The following ADGRG3 variants were observed in gnomAD, a reference collection of about 807,000 sequenced individuals.
ADGRG3 encodes the protein G protein-coupled receptor 97.
Under a neutral mutation model 54.3 loss-of-function variants are expected in ADGRG3, and 39 were observed. That is an observed-to-expected ratio of 0.72 (90% confidence interval 0.56 to 0.94). The LOEUF (loss-of-function observed/expected upper bound fraction) is 0.94. Ranked by LOEUF, ADGRG3 falls within the 40% of genes least tolerant of loss-of-function variation. The probability of loss-of-function intolerance (pLI) is 0.00; values close to 1 mark genes in which losing one functional copy is unlikely to be tolerated. For missense variants in ADGRG3, 654 were observed against 694.6 expected (o/e 0.94, Z 0.66); for synonymous variants, 312 against 290.0 (o/e 1.08, Z -0.77).
At chr16:57,686,481 G>A (rs2048476142) in intron 11 of ADGRG3, among the ~76,000 whole-genome samples, 1 of 152,186 alleles carries the variant, frequency 6.6e-6, no homozygotes, top group South Asian at 2.1e-4. Context: ...ATTTGGACAT[G>A]AGATTTGGAA....
chr16:57,668,535 T>G (rs2148689649), intron 1 of ADGRG3, 130 bp downstream of exon 1: 2 of 843,252 alleles, frequency 2.4e-6, no homozygotes, highest in Non-Finnish European at 3.8e-6. Flanking sequence ...TGTCCTCCGA[T>G]ACCCCCCGTG....
intron 3 of ADGRG3, among the ~76,000 whole-genome samples, chr16:57,676,932 G>GC (rs1218011861): frequency 6.6e-6 from 1 of 152,238 alleles, no homozygotes; most frequent in African/African-American, 2.4e-5. Context: ...GGCTTAGAAA[G>GC]CCTCCTGCCT....
In ADGRG3 at chr16:57,668,406, G is replaced by A; in HGVS notation, c.58+1G>A. The A allele has an allele frequency of 6.4e-6, 10 of 1,568,882 alleles. No homozygotes were observed. The highest frequency in any genetic ancestry group is 8.6e-6 in the Non-Finnish European group (10 of 1,165,284). On this transcript the variant is annotated splice_donor_variant, in intron 1 of 11. Transcript: ENST00000333493. LOFTEE classifies it high-confidence loss of function. ...CTGCTCCTCCTGCTCCCGACCTCAGGTGAGTGGCTGGCACCTCATCCCCTC... is the reference window on the plus strand; with the variant it reads ...CTGCTCCTCCTGCTCCCGACCTCAGATGAGTGGCTGGCACCTCATCCCCTC...
chr16:57,683,132 G>A (rs938396487), intron 8 of ADGRG3, among the ~76,000 whole-genome samples: 4 of 152,230 alleles, frequency 2.6e-5, no homozygotes, highest in South Asian at 2.1e-4. Context: ...AGCAGGGAAA[G>A]GCATTGAGAA....
chr16:57,684,541 G>T, intron 10 of ADGRG3, 58 bp downstream of exon 10: 1 of 1,289,762 alleles, frequency 7.8e-7, no homozygotes, highest in Non-Finnish European at 1.1e-6. Context: ...ACATATTGGG[G>T]CTGGAGAGAG....
At chr16:57,683,818 A>G in intron 8 of ADGRG3, 114 bp from the exon 9 acceptor site, 1 of 735,896 alleles carries the variant, frequency 1.4e-6, no homozygotes, top group Non-Finnish European at 2.1e-6. Flanking sequence ...AGCAGGCAGG[A>G]GCTGGCAGTG....
intron 10 of ADGRG3, 127 bp from the exon 11 acceptor site, chr16:57,685,516 G>A (rs780578111): frequency 2.2e-6 from 2 of 889,724 alleles, no homozygotes; most frequent in Non-Finnish European, 1.8e-6. Context: ...CAGCGGGAGA[G>A]CCAGGGATTG....
chr16:57,670,086 G>A (rs140117053), intron 1 of ADGRG3, among the ~76,000 whole-genome samples: 79 of 152,302 alleles, frequency 5.2e-4, no homozygotes, highest in Middle Eastern at 6.8e-3. Flanking sequence ...GGCTGAAGGA[G>A]CCATGCGGGG....
At chr16:57,669,656 T>G (rs1455534255) in intron 1 of ADGRG3, among the ~76,000 whole-genome samples, 1 of 152,176 alleles carries the variant, frequency 6.6e-6, no homozygotes, top group African/African-American at 2.4e-5. Flanking sequence ...ACACTTCCTG[T>G]GTGGACAGTG....
upstream of ADGRG3, among the ~76,000 whole-genome samples, chr16:57,667,229 C>T (rs748588503): frequency 2.6e-5 from 4 of 152,326 alleles, no homozygotes; most frequent in South Asian, 2.1e-4. Flanking sequence ...AGGGGCTGAG[C>T]GGCTCCCCAG....
In ADGRG3 at chr16:57,668,667, G is replaced by T. The variant is rs1459160878; in HGVS notation, c.58+262G>T. 2.0e-5 allele frequency among the ~76,000 whole-genome samples: 3 copies of T among 152,090 alleles called. No individual in the cohort carries two copies. In the South Asian group the frequency reaches 6.2e-4, roughly 31 times the overall value. On this transcript the variant is annotated intron_variant, in intron 1 of 11. Transcript: ENST00000333493. Reference sequence around the variant, plus strand: ...CCACAGTGCCCTGGAGATAGGGGAGGTCGGAGGGTGCTCCCTGACTCCCCA... The same window carrying T: ...CCACAGTGCCCTGGAGATAGGGGAGTTCGGAGGGTGCTCCCTGACTCCCCA...
At position 57,685,667 on chromosome 16, in the gene ADGRG3, C is replaced by A; in HGVS notation, c.1281C>A (p.Thr427=). The change falls in exon 11 of 12, where the codon ACC becomes ACA. Residue 427 remains threonine (T), a synonymous_variant. Transcript: ENST00000333493. ...LELCWFREGT[T]MYALYITVHG... Reference sequence around the variant, plus strand: ...GATGCTGGTTCCGTGAAGGGACAACCATGTACGCCCTCTATATCACCGTCC... The same window carrying A: ...GATGCTGGTTCCGTGAAGGGACAACAATGTACGCCCTCTATATCACCGTCC... 1.2e-6 allele frequency: 2 copies of A among 1,614,196 alleles called. No homozygotes were observed. The highest frequency in any genetic ancestry group is 1.7e-6 in the Non-Finnish European group (2 of 1,180,012).
At chr16:57,670,068 C>T (rs1327409033) in intron 1 of ADGRG3, among the ~76,000 whole-genome samples, 1 of 152,152 alleles carries the variant, frequency 6.6e-6, no homozygotes, top group South Asian at 2.1e-4. Context: ...TCACGGTGAG[C>T]CAGCAGGGGC....
intron 4 of ADGRG3, chr16:57,678,573 T>C (rs1187903322): frequency 9.2e-6 from 5 of 543,362 alleles, no homozygotes; most frequent in Non-Finnish European, 1.7e-5. Flanking sequence ...CTATGTGTCC[T>C]GTGGGTGCTC....
intron 10 of ADGRG3, among the ~76,000 whole-genome samples, chr16:57,685,195 G>T (rs1269858767): frequency 6.6e-6 from 1 of 152,204 alleles, no homozygotes; most frequent in South Asian, 2.1e-4. Context: ...AAAAGCAGGG[G>T]CCCCAGGAGC....
At chr16:57,667,251 G>C (rs1163393435), upstream of ADGRG3, among the ~76,000 whole-genome samples, 3 of 152,256 alleles carry the variant, frequency 2.0e-5, no homozygotes, top group African/African-American at 7.2e-5. Flanking sequence ...TCAATCCCAA[G>C]GCTGAGTAGG....
chr16:57,670,912 T>TA (rs1474402726), intron 1 of ADGRG3, among the ~76,000 whole-genome samples: 1 of 151,846 alleles, frequency 6.6e-6, no homozygotes, highest in Non-Finnish European at 1.5e-5. Flanking sequence ...GGGAGGGAAA[T>TA]AAAAAATGGA....
At chr16:57,682,766 G>C (rs535765934) in intron 8 of ADGRG3, 2 of 426,690 alleles carry the variant, frequency 4.7e-6, no homozygotes, top group African/African-American at 4.3e-5. Context: ...TGAGTCACTG[G>C]ACAGGGAGTC....
chr16:57,687,982 T>C (rs1567863919), intron 11 of ADGRG3, among the ~76,000 whole-genome samples: 2 of 152,222 alleles, frequency 1.3e-5, no homozygotes, highest in South Asian at 4.1e-4. Flanking sequence ...TGTTCTGTAC[T>C]TACTATAATT....
Sources: gnomAD v4.1 joint callset for allele counts (sites outside exome capture counted in the v4.1 genomes callset) on GRCh38, gnomAD v4.1.1 for gene constraint, MANE v1.5 for transcripts, NCBI Gene and HGNC (gene_info 2026-07-23, HGNC 2026-07-21) for gene names.